The following CSNK1G3 variants were observed in gnomAD, a reference collection of about 807,000 sequenced individuals.
The protein encoded by CSNK1G3 is casein kinase I isoform gamma-3.
In CSNK1G3, 23 loss-of-function variants were observed where a neutral mutation model predicts 64.3. The ratio of observed to expected loss-of-function variants is 0.36; its 90% CI spans 0.26 to 0.51. The LOEUF (loss-of-function observed/expected upper bound fraction) is 0.51, where lower values mean the gene tolerates loss of function less well. CSNK1G3 is among the 20% of genes least tolerant of loss of function. The pLI is 0.96. For missense variants in CSNK1G3, 357 were observed against 510.5 expected, an observed-to-expected ratio of 0.70 and a Z score of 2.90; for synonymous variants, 158 against 162.2, an observed-to-expected ratio of 0.97 and a Z score of 0.20.
At chr5:123,591,195 A>G (rs1792279413) in intron 9 of CSNK1G3, 124 bp from the exon 10 acceptor site, 1 of 490,532 alleles carries the variant, frequency 2.0e-6, no homozygotes, top group East Asian at 3.5e-5. Flanking sequence ...TGATGCCTTT[A>G]CTTAAAGCCT....
exon 13 of CSNK1G3, chr5:123,616,137 T>G (rs1392237508): frequency 6.6e-6 from 1 of 152,480 alleles, no homozygotes; most frequent in Admixed American, 6.5e-5. Flanking sequence ...GCTGTATAAT[T>G]TGGTCAACAG....
intron 1 of CSNK1G3, among the ~76,000 whole-genome samples, chr5:123,515,965 T>C (rs143890371): frequency 4.6e-5 from 7 of 152,200 alleles, no homozygotes; most frequent in Admixed American, 1.3e-4. Context: ...TGAAGATATA[T>C]CTTGGAAGTA....
intron 10 of CSNK1G3, 21 bp downstream of exon 10, chr5:123,591,435 G>A (rs1792339484): frequency 6.6e-7 from 1 of 1,506,130 alleles, no homozygotes; most frequent in Non-Finnish European, 9.2e-7. Flanking sequence ...CTTTAGATAT[G>A]AAATACCTTC....
intron 10 of CSNK1G3, among the ~76,000 whole-genome samples, chr5:123,604,371 T>C (rs975590773): frequency 6.6e-6 from 1 of 151,998 alleles, no homozygotes; most frequent in African/African-American, 2.4e-5. Context: ...TAATTCATGA[T>C]ATAGCAAGGT....
At chr5:123,610,563 G>A (rs115279630) in intron 12 of CSNK1G3, among the ~76,000 whole-genome samples, 11 of 152,184 alleles carry the variant, frequency 7.2e-5, no homozygotes, top group Admixed American at 1.3e-4. Context: ...ATGGTGGTGC[G>A]GTGTCAATAG....
In CSNK1G3 at chr5:123,583,402, G is replaced by A. The variant is rs77080332; in HGVS notation, c.674-4666G>A. Among the ~76,000 whole-genome samples the A allele has an allele frequency of 4.0e-4, 57 of 141,586 alleles. No homozygotes were observed. The East Asian group carries it at 7.5e-3, about 19-fold the overall frequency. The allele number at this position is 141,586 out of a possible 152,430, so 92.9% of individuals were successfully genotyped here. A position where few individuals can be genotyped will look rare whatever the true frequency, so the allele number is the denominator to read the frequency against. On this transcript the variant is annotated intron_variant, in intron 6 of 12. Transcript: ENST00000345990. The stretch of plus-strand genomic sequence containing the variant: ...TGAGACTGAGTTTCGCTCTTGTTGC[G>A]CAGGCTGGAGTGCAATGGCGCGATC...
chr5:123,523,617 G>A lies in CSNK1G3; in HGVS notation c.-248+11047G>A, dbSNP rs548447191. ...TAGCACCGGGTAGAGTTTAGAGGAC[G>A]TGTTATGTGAACCAGTAGGAGACTT... On this transcript the variant is annotated intron_variant, in intron 1 of 12. Transcript: ENST00000345990. Among the ~76,000 whole-genome samples, 84 of 152,300 alleles carry A rather than the reference G, an allele frequency of 5.5e-4. 1 individual carries two copies. The South Asian group carries it at 0.015, about 27-fold the overall frequency.
chr5:123,607,742 G>T (rs1228089826), intron 12 of CSNK1G3, among the ~76,000 whole-genome samples: 3 of 152,052 alleles, frequency 2.0e-5, no homozygotes, highest in African/African-American at 7.2e-5. Context: ...TTAATAAAAT[G>T]GTTGTTTTAA....
intron 1 of CSNK1G3, among the ~76,000 whole-genome samples, chr5:123,540,608 T>C (rs1049858862): frequency 6.6e-6 from 1 of 152,136 alleles, no homozygotes; most frequent in African/African-American, 2.4e-5. Flanking sequence ...TTCTAGATGC[T>C]ATACAGCTGT....
chr5:123,559,891 T>G (rs903191345), intron 4 of CSNK1G3, among the ~76,000 whole-genome samples: 3 of 152,124 alleles, frequency 2.0e-5, no homozygotes, highest in South Asian at 4.1e-4. Context: ...ACGGGCTATT[T>G]AGAGTAACTC....
chr5:123,593,934 T>G (rs561527157), intron 10 of CSNK1G3, among the ~76,000 whole-genome samples: 1 of 152,160 alleles, frequency 6.6e-6, no homozygotes, highest in South Asian at 2.1e-4. Context: ...ATGACTTTGT[T>G]TGAAAAAGAA....
intron 1 of CSNK1G3, among the ~76,000 whole-genome samples, chr5:123,514,806 GT>G (rs1776857332): frequency 6.6e-6 from 1 of 152,158 alleles, no homozygotes; most frequent in African/African-American, 2.4e-5. Flanking sequence ...ACATAAGGCT[GT>G]TTTGCCAGGA....
chr5:123,610,963 T>A (rs1447080037), intron 12 of CSNK1G3, among the ~76,000 whole-genome samples: 1 of 152,206 alleles, frequency 6.6e-6, no homozygotes, highest in African/African-American at 2.4e-5. Flanking sequence ...AAGCTTAAAT[T>A]CTAGTGCAAA....
At chr5:123,524,681 A>G (rs1444537780) in intron 1 of CSNK1G3, among the ~76,000 whole-genome samples, 1 of 152,156 alleles carries the variant, frequency 6.6e-6, no homozygotes. Flanking sequence ...AGAAAAACTT[A>G]TAGTTATCGT....
intron 4 of CSNK1G3, among the ~76,000 whole-genome samples, chr5:123,571,907 C>T (rs1376023795): frequency 4.0e-5 from 6 of 151,896 alleles, no homozygotes; most frequent in East Asian, 1.9e-4. Flanking sequence ...TAGTTATTTA[C>T]GAGTGGGCAT....
chr5:123,553,407 T>C (rs765681565), intron 3 of CSNK1G3, among the ~76,000 whole-genome samples: 9 of 152,178 alleles, frequency 5.9e-5, no homozygotes, highest in Admixed American at 2.0e-4. Context: ...AACTGGATCT[T>C]GGCCCTATTT....
intron 2 of CSNK1G3, among the ~76,000 whole-genome samples, chr5:123,550,624 G>A (rs1783446626): frequency 6.6e-6 from 1 of 152,094 alleles, no homozygotes. Context: ...CACAAAATTG[G>A]TAAAACTATA....
chr5:123,527,019 A>G (rs1175206299), intron 1 of CSNK1G3, among the ~76,000 whole-genome samples: 2 of 152,154 alleles, frequency 1.3e-5, no homozygotes, highest in African/African-American at 2.4e-5. Flanking sequence ...TCCCACTGGC[A>G]ATATAGAAGA....
intron 1 of CSNK1G3, among the ~76,000 whole-genome samples, chr5:123,521,043 TA>T (rs1463541827): frequency 5.3e-5 from 8 of 152,130 alleles, no homozygotes; most frequent in Non-Finnish European, 1.0e-4. Context: ...TGTGCAAATT[TA>T]TGACTACAGG....
Sources: allele counts gnomAD v4.1 joint callset (sites outside exome capture counted in the v4.1 genomes callset), GRCh38; gene constraint gnomAD v4.1.1; transcripts MANE v1.5; gene names NCBI Gene and HGNC (gene_info 2026-07-23, HGNC 2026-07-21).